TTYH1: variants seen among roughly 807,000 people sequenced by gnomAD.
TTYH1 encodes tweety family member 1, also known as protein tweety homolog 1.
TTYH1 carries 33 observed loss-of-function variants against 61.2 expected under a neutral mutation model. That is an observed-to-expected ratio of 0.54 (90% CI 0.41 to 0.72). The LOEUF is 0.72. Among genes scored for constraint, TTYH1 ranks in the 30% least tolerant of loss-of-function variants. The probability of loss-of-function intolerance (pLI) is 0.00; values close to 1 mark genes in which losing one functional copy is unlikely to be tolerated. For synonymous variants in TTYH1, 308 were observed against 266.4 expected, an observed-to-expected ratio of 1.16 and a Z score of -1.52; for missense variants, 538 against 575.8, an observed-to-expected ratio of 0.93 and a Z score of 0.67.
chr19:54,436,402 G>C lies in TTYH1; in HGVS notation c.*112G>C. On this transcript the variant is annotated 3_prime_UTR_variant, in exon 14 of 14. Transcript: ENST00000376530. This position sits in a 1 kb window ranked among gnomAD's most constrained non-coding sequence, Gnocchi z 4.3. ...CTGGGCTCTGACCACTAACACTCTT[G>C]GCCATGGACAGCCTGCACAGGACCG... 1 of 1,612,938 alleles carries C rather than the reference G, an allele frequency of 6.2e-7. No homozygotes were observed. Among genetic ancestry groups the C allele is most frequent in the Non-Finnish European group, 8.5e-7 (1 of 1,179,094 alleles).
Position 54,419,311 on chromosome 19 carries a change from TG to T in TTYH1, c.305+9del. 7.6e-7 allele frequency: 1 copy of T among 1,316,276 alleles called. No homozygotes were observed. The highest frequency in any genetic ancestry group is 1.0e-6 in the Non-Finnish European group (1 of 966,470). 81.5% of individuals were successfully genotyped at this position (1,316,276 alleles called of 1,614,324 possible). A position where few individuals can be genotyped will look rare whatever the true frequency, so the allele number is the denominator to read the frequency against. On this transcript the variant is annotated splice_donor_region_variant and intron_variant, in intron 2 of 13. Transcript: ENST00000376530. This position sits in a 1 kb window ranked among gnomAD's most constrained non-coding sequence, Gnocchi z 6.1. The stretch of plus-strand genomic sequence containing the variant: ...TGTCGCCCTTCTCGCCGGCTGGTAA[TG>T]GGGCCCCAGGGTGGGTGGGCGGTGG...
intron 9 of TTYH1, 94 bp downstream of exon 9, chr19:54,430,999 T>C: frequency 1.3e-6 from 2 of 1,524,706 alleles, no homozygotes; most frequent in Admixed American, 1.7e-5. Flanking sequence ...GCTGCAGAGC[T>C]AGGCGGGGCC....
intron 4 of TTYH1, 135 bp downstream of exon 4, chr19:54,422,545 G>A: frequency 7.1e-6 from 5 of 703,116 alleles, no homozygotes; most frequent in Non-Finnish European, 1.2e-5. Context: ...CATCCAATGG[G>A]TAGAGCCCAG....
intron 4 of TTYH1, among the ~76,000 whole-genome samples, chr19:54,422,928 CAAA>C (rs573699988): frequency 1.2e-5 from 1 of 85,380 alleles, no homozygotes; most frequent in African/African-American, 5.5e-5. Flanking sequence ...GACTCCATCT[CAAA>C]AAAAAAAAAA....
Position 54,435,689 on chromosome 19 carries a change from G to T in TTYH1, c.1268+5G>T. The T allele has an allele frequency of 6.2e-7, 1 of 1,608,472 alleles. No homozygotes were observed. On this transcript the variant is annotated splice_donor_5th_base_variant and intron_variant, in intron 11 of 13. Coordinates refer to ENST00000376530, the MANE Select transcript of TTYH1 (RefSeq NM_020659.4). The stretch of plus-strand genomic sequence containing the variant: ...CTGGGCCCTCTTCCCACCCAGGTCA[G>T]GAGCGGGGGAGGGTAGGGTCCTGGG...
At position 54,436,117 on chromosome 19, in the gene TTYH1, G is replaced by A. The variant is rs1156431490; in HGVS notation, c.1341G>A (p.Gln447=). The part of the protein sequence containing the change: ...PQESKRFVQW[Q]SSI ...AATCCAAGCGCTTTGTGCAGTGGCA[G>A]TCGTCTATCTGAGCCCCTCCTCCCG... Residue 447 remains glutamine (Q), a synonymous_variant, in exon 13 of 14, where the codon CAG becomes CAA. Coordinates refer to ENST00000376530, the MANE Select transcript of TTYH1 (RefSeq NM_020659.4). The surrounding 1 kb of genome is among the most constrained non-coding windows in gnomAD (Gnocchi z 4.3). 4 of 1,614,166 alleles carry A rather than the reference G, an allele frequency of 2.5e-6. No homozygotes were observed. The highest frequency in any genetic ancestry group is 2.2e-5 in the East Asian group (1 of 44,888).
intron 7 of TTYH1, 142 bp downstream of exon 7, chr19:54,430,099 CAGGGCTCCTGGCCACTCCCCAGCTCGG>C: frequency 1.4e-6 from 1 of 726,542 alleles, no homozygotes. Flanking sequence ...GGAAGGGAAG[CAGGGCTCCTGGCCACTCCCCAGCTCGG>C]AGCCCTCCTG....
Position 54,420,923 on chromosome 19 carries a change from T to C in TTYH1, c.306-354T>C. 1 of 353,966 alleles carries C rather than the reference T, an allele frequency of 2.8e-6. No homozygotes were observed. The highest frequency in any genetic ancestry group is 6.0e-5 in the East Asian group (1 of 16,804). The allele number at this position is 353,966 out of a possible 1,614,324, so 21.9% of individuals were successfully genotyped here. A position where few individuals can be genotyped will look rare whatever the true frequency, so the allele number is the denominator to read the frequency against. On this transcript the variant is annotated intron_variant, in intron 2 of 13. Coordinates refer to ENST00000376530, the MANE Select transcript of TTYH1 (RefSeq NM_020659.4). The surrounding 1 kb of genome is among the most constrained non-coding windows in gnomAD (Gnocchi z 4.8). ...TGGCAAAGGATGCGGGGGAAGGGTG[T>C]GGGGCAGGCAGTCCTAGGGAGGGGA...
chr19:54,422,325 C>A lies in TTYH1; in HGVS notation c.553C>A (p.Gln185Lys). Reference protein sequence around the residue: ...ARRQAEAAAQQLQGLAFWQGV... With the variant: ...ARRQAEAAAQKLQGLAFWQGV... ...ACGGCAGGCGGAGGCTGCGGCCCAG[C>A]AGCTGCAGGGGCTGGCCTTCTGGCA... Residue 185 changes from glutamine to lysine, a missense_variant, in exon 4 of 14, where the codon CAG (glutamine) becomes AAG (lysine). By Grantham distance (53) the Gln-to-Lys change is moderately conservative (BLOSUM62 1). This residue lies in a region of TTYH1 where 378 missense variants were observed against 401.2 expected (regional missense o/e 0.94). Transcript: ENST00000376530. 6.4e-7 allele frequency: 1 copy of A among 1,568,116 alleles called. No individual in the cohort carries two copies. Among genetic ancestry groups the A allele is most frequent in the Non-Finnish European group, 8.6e-7 (1 of 1,157,870 alleles).
chr19:54,421,167 G>T lies in TTYH1; in HGVS notation c.306-110G>T, dbSNP rs143692007. On this transcript the variant is annotated intron_variant, in intron 2 of 13. Transcript: ENST00000376530. The surrounding 1 kb of genome is among the most constrained non-coding windows in gnomAD (Gnocchi z 4.8). ...GGCTGGCCCAATGAGGTGGGGCTGA[G>T]ATGGGAGGGGTGGATAAGAAGGCGA... 1.3e-3 allele frequency: 918 copies of T among 707,758 alleles called. 6 individuals carry two copies. In the African/African-American group the frequency reaches 0.014, roughly 11 times the overall value. The allele number at this position is 707,758 out of a possible 1,614,324, so 43.8% of individuals were successfully genotyped here.
Position 54,430,740 on chromosome 19 carries a change from T to G in TTYH1, c.940-73T>G, listed in dbSNP as rs1444318102. The G allele has an allele frequency of 1.9e-6, 3 of 1,583,892 alleles. No homozygotes were observed. The Admixed American group carries it at 5.2e-5, about 27-fold the overall frequency. On this transcript the variant is annotated intron_variant, in intron 8 of 13. Coordinates refer to ENST00000376530, the MANE Select transcript of TTYH1 (RefSeq NM_020659.4). ...ATGCAGGCCAGGGGCCCGAGTGCTG[T>G]GTCCGGAGGAGAGGAGAGAGGGCCG...
In TTYH1 at chr19:54,419,052, C is replaced by A. The variant is rs1296321868; in HGVS notation, c.127-76C>A. 13 of 1,456,766 alleles carry A rather than the reference C, an allele frequency of 8.9e-6. No homozygotes were observed. Among genetic ancestry groups the A allele is most frequent in the South Asian group, 5.3e-5 (4 of 76,046 alleles). The allele number at this position is 1,456,766 out of a possible 1,614,324, so 90.2% of individuals were successfully genotyped here. A position where few individuals can be genotyped will look rare whatever the true frequency, so the allele number is the denominator to read the frequency against. Reference sequence around the variant, plus strand: ...TCTGACATCCCAGACCCCGACCCCCCAGCCACGCAGGAAGGGGGATCTGAG... The same window carrying A: ...TCTGACATCCCAGACCCCGACCCCCAAGCCACGCAGGAAGGGGGATCTGAG... On this transcript the variant is annotated intron_variant, in intron 1 of 13. Transcript: ENST00000376530. The surrounding 1 kb of genome is among the most constrained non-coding windows in gnomAD (Gnocchi z 6.1).
chr19:54,430,771 G>GTA, intron 8 of TTYH1, 42 bp from the exon 9 acceptor site: 1 of 1,599,378 alleles, frequency 6.3e-7, no homozygotes, highest in Non-Finnish European at 8.5e-7. Context: ...GGCCGGGGGC[G>GTA]TATACTCCTG....
rs1412264643 is a variant in TTYH1 at position 54,416,030 on chromosome 19, C to G, written c.126+352C>G. 1.5e-6 allele frequency: 2 copies of G among 1,322,350 alleles called. No homozygotes were observed. The allele number at this position is 1,322,350 out of a possible 1,614,324, so 81.9% of individuals were successfully genotyped here. A position where few individuals can be genotyped will look rare whatever the true frequency, so the allele number is the denominator to read the frequency against. Reference sequence around the variant, plus strand: ...CGGGAGGGTAGGTCTACTCTTCCTGCCCTAAAAGATGACCCTGCCCCACAG... The same window carrying G: ...CGGGAGGGTAGGTCTACTCTTCCTGGCCTAAAAGATGACCCTGCCCCACAG... On this transcript the variant is annotated intron_variant, in intron 1 of 13. Transcript: ENST00000376530. The surrounding 1 kb of genome is among the most constrained non-coding windows in gnomAD (Gnocchi z 7.0).
chr19:54,420,663 C>G lies in TTYH1; in HGVS notation c.306-614C>G, dbSNP rs1278529636. 1 of 167,556 alleles carries G rather than the reference C, an allele frequency of 6.0e-6. No individual in the cohort carries two copies. The highest frequency in any genetic ancestry group is 1.5e-5 in the Non-Finnish European group (1 of 68,960). The allele number at this position is 167,556 out of a possible 1,614,324, so 10.4% of individuals were successfully genotyped here. On this transcript the variant is annotated intron_variant, in intron 2 of 13. Coordinates refer to ENST00000376530, the MANE Select transcript of TTYH1 (RefSeq NM_020659.4). The surrounding 1 kb of genome is among the most constrained non-coding windows in gnomAD (Gnocchi z 4.8). Reference sequence around the variant, plus strand: ...GCTTCTCGCCCATCCTCCAGCCTCCCTCCCACATTCCCTTACTTCCCTCCC... The same window carrying G: ...GCTTCTCGCCCATCCTCCAGCCTCCGTCCCACATTCCCTTACTTCCCTCCC...
intron 10 of TTYH1, chr19:54,431,728 G>C (rs924758519): frequency 1.3e-5 from 2 of 157,208 alleles, no homozygotes; most frequent in Admixed American, 6.1e-5. Flanking sequence ...GGCAGGGGTG[G>C]GCAGGGTGCC....
Position 54,424,727 on chromosome 19 carries a change from A to C in TTYH1, c.639-1946A>C, listed in dbSNP as rs368259535. Reference sequence around the variant, plus strand: ...CACTTGGGAGTCCCTCGACAGACAAATCAGGGGCCTCCAAGGGAGTCTTGC... The same window carrying C: ...CACTTGGGAGTCCCTCGACAGACAACTCAGGGGCCTCCAAGGGAGTCTTGC... On this transcript the variant is annotated intron_variant, in intron 4 of 13. Coordinates refer to ENST00000376530, the MANE Select transcript of TTYH1 (RefSeq NM_020659.4). Among the ~76,000 whole-genome samples the C allele has an allele frequency of 2.6e-5, 4 of 152,308 alleles. No homozygotes were observed. In the East Asian group the frequency reaches 7.7e-4, roughly 29 times the overall value.
intron 4 of TTYH1, among the ~76,000 whole-genome samples, chr19:54,424,943 G>A (rs993873801): frequency 6.6e-6 from 1 of 152,068 alleles, no homozygotes; most frequent in Non-Finnish European, 1.5e-5. Context: ...CCACTTCCAA[G>A]AGGGCAGCAA....
At chr19:54,431,484 T>C in intron 10 of TTYH1, 1 of 478,210 alleles carries the variant, frequency 2.1e-6, no homozygotes, top group Non-Finnish European at 3.7e-6. Flanking sequence ...TGCCACCTTT[T>C]CCTTCCTTGT....
Sources: allele counts gnomAD v4.1 joint callset (sites outside exome capture counted in the v4.1 genomes callset), GRCh38; gene constraint gnomAD v4.1.1; regional missense constraint gnomAD v4.1.1; non-coding constraint Gnocchi (gnomAD v3.1); transcripts MANE v1.5; gene names NCBI Gene and HGNC (gene_info 2026-07-23, HGNC 2026-07-21).